DOCK3: variants seen among roughly 807,000 people sequenced by gnomAD.
DOCK3 encodes the protein dedicator of cytokinesis 3, also known as dedicator of cytokinesis protein 3.
In DOCK3, 60 loss-of-function variants were observed where a neutral mutation model predicts 265.6. The ratio of observed to expected loss-of-function variants is 0.23; its 90% CI spans 0.18 to 0.28. DOCK3 has a LOEUF of 0.28. Ranked by LOEUF, DOCK3 falls within the 10% of genes least tolerant of loss-of-function variation. The pLI, the probability that DOCK3 is intolerant of heterozygous loss-of-function variation, is 1.00. For missense variants in DOCK3, 1,981 were observed against 2,594.3 expected (o/e 0.76, Z 5.14); for synonymous variants, 881 against 938.0 (o/e 0.94, Z 1.11).
chr3:51,020,961 T>A (rs1382920122), intron 5 of DOCK3, among the ~76,000 whole-genome samples: 1 of 151,924 alleles, frequency 6.6e-6, no homozygotes, highest in Non-Finnish European at 1.5e-5. Flanking sequence ...AGCTCTTTTT[T>A]GGTTCCATAG....
Position 50,906,514 on chromosome 3 carries a change from T to G in DOCK3, c.218+16433T>G, listed in dbSNP as rs566697131. On this transcript the variant is annotated intron_variant, in intron 4 of 52. Coordinates refer to ENST00000266037, the MANE Select transcript of DOCK3 (RefSeq NM_004947.5). ...TGGGAGGGTGTGTGTGTCTAGGAATTTATCCATTTCTTCTAGATTTTCTAG... is the reference window on the plus strand; with the variant it reads ...TGGGAGGGTGTGTGTGTCTAGGAATGTATCCATTTCTTCTAGATTTTCTAG... Among the ~76,000 whole-genome samples the G allele has an allele frequency of 3.3e-5, 5 of 152,208 alleles. No homozygotes were observed. In the South Asian group the frequency reaches 1.0e-3, roughly 32 times the overall value.
chr3:50,889,925 C>A, intron 3 of DOCK3, 101 bp from the exon 4 acceptor site: 1 of 913,526 alleles, frequency 1.1e-6, no homozygotes, highest in Non-Finnish European at 1.5e-6. Flanking sequence ...AGCAGGAGAT[C>A]TACTATGTTT....
chr3:50,934,210 C>G, intron 5 of DOCK3, 133 bp downstream of exon 5: 1 of 653,754 alleles, frequency 1.5e-6, no homozygotes. Context: ...TTAATATTTA[C>G]TGAAACATAG....
chr3:50,691,309 T>A (rs2035227676), intron 1 of DOCK3, among the ~76,000 whole-genome samples: 2 of 151,154 alleles, frequency 1.3e-5, no homozygotes, highest in Non-Finnish European at 3.0e-5. Flanking sequence ...AAAGTAATCA[T>A]ACAATGTTTG....
chr3:50,735,656 A>C (rs1210989660), intron 1 of DOCK3, among the ~76,000 whole-genome samples: 1 of 152,066 alleles, frequency 6.6e-6, no homozygotes, highest in Non-Finnish European at 1.5e-5. Context: ...AGATTAGGGG[A>C]AATTTTCTGT....
intron 1 of DOCK3, among the ~76,000 whole-genome samples, chr3:50,680,171 A>C (rs965538368): frequency 2.6e-5 from 4 of 151,766 alleles, no homozygotes; most frequent in African/African-American, 9.7e-5. Context: ...AGTTATATTT[A>C]AGGAATTTTA....
chr3:51,094,532 A>G (rs1413664409), intron 9 of DOCK3, among the ~76,000 whole-genome samples: 1 of 151,618 alleles, frequency 6.6e-6, no homozygotes, highest in African/African-American at 2.4e-5. Context: ...ATCATTTTTT[A>G]TTGTGTCTAT....
chr3:51,280,292 A>T, intron 27 of DOCK3, 88 bp downstream of exon 27: 8 of 1,217,944 alleles, frequency 6.6e-6, no homozygotes, highest in Non-Finnish European at 9.3e-6. Context: ...GGATGAATGC[A>T]AGTGACTAGC....
chr3:51,112,143 T>C (rs1285952496), intron 9 of DOCK3, among the ~76,000 whole-genome samples: 2 of 152,112 alleles, frequency 1.3e-5, no homozygotes, highest in Non-Finnish European at 2.9e-5. Context: ...TTGTGGAAAG[T>C]AGTGTGGCAG....
intron 2 of DOCK3, among the ~76,000 whole-genome samples, chr3:50,834,440 G>T (rs2045382960): frequency 6.6e-6 from 1 of 151,966 alleles, no homozygotes; most frequent in Non-Finnish European, 1.5e-5. Flanking sequence ...CAGAATTATA[G>T]GAGTTTTTCA....
intron 32 of DOCK3, among the ~76,000 whole-genome samples, chr3:51,320,827 C>T (rs2083670721): frequency 6.6e-6 from 1 of 152,212 alleles, no homozygotes; most frequent in Non-Finnish European, 1.5e-5. Flanking sequence ...CAGCCCCAGT[C>T]AGGGGCTTAT....
At chr3:50,912,631 A>G (rs979881807) in intron 4 of DOCK3, among the ~76,000 whole-genome samples, 9 of 152,078 alleles carry the variant, frequency 5.9e-5, no homozygotes, top group Non-Finnish European at 1.5e-5. Flanking sequence ...TGTGCTATGT[A>G]GTTGAGCTGT....
chr3:50,942,922 A>G (rs960147734), intron 5 of DOCK3, among the ~76,000 whole-genome samples: 1 of 152,006 alleles, frequency 6.6e-6, no homozygotes, highest in African/African-American at 2.4e-5. Context: ...GACTTAGTAC[A>G]AGGAAATGAG....
At chr3:51,046,111 G>GA (rs1234799414) in intron 5 of DOCK3, among the ~76,000 whole-genome samples, 1 of 151,978 alleles carries the variant, frequency 6.6e-6, no homozygotes, top group Admixed American at 6.6e-5. Flanking sequence ...AAAAGATATA[G>GA]AAAAAAGAAT....
intron 4 of DOCK3, among the ~76,000 whole-genome samples, chr3:50,907,687 T>G (rs1414698811): frequency 3.3e-5 from 5 of 152,138 alleles, no homozygotes; most frequent in Non-Finnish European, 7.3e-5. Flanking sequence ...AGCACACTGA[T>G]GGGTCTTGAC....
chr3:51,024,158 A>G (rs977441252), intron 5 of DOCK3, among the ~76,000 whole-genome samples: 3 of 152,124 alleles, frequency 2.0e-5, no homozygotes, highest in African/African-American at 7.2e-5. Flanking sequence ...CCTTTGTTAT[A>G]GAAAGTCTTT....
At chr3:51,312,144 A>G (rs2083100908) in intron 29 of DOCK3, 65 bp downstream of exon 29, 2 of 1,415,810 alleles carry the variant, frequency 1.4e-6, no homozygotes, top group Non-Finnish European at 1.9e-6. Flanking sequence ...AACCAAGCTC[A>G]CTTGTTTTTT....
At chr3:50,984,025 C>T (rs990322772) in intron 5 of DOCK3, among the ~76,000 whole-genome samples, 9 of 152,200 alleles carry the variant, frequency 5.9e-5, no homozygotes, top group Admixed American at 3.9e-4. Context: ...GGCAGCCTGC[C>T]GTGCTGCAGC....
chr3:51,086,321 A>T (rs897236319), intron 7 of DOCK3, among the ~76,000 whole-genome samples: 4 of 152,214 alleles, frequency 2.6e-5, no homozygotes, highest in Non-Finnish European at 5.9e-5. Flanking sequence ...CCTTGCCCTC[A>T]TTCTAGTAAA....
Sources: gnomAD v4.1 joint callset for allele counts (sites outside exome capture counted in the v4.1 genomes callset) on GRCh38, gnomAD v4.1.1 for gene constraint, MANE v1.5 for transcripts, NCBI Gene and HGNC (gene_info 2026-07-23, HGNC 2026-07-21) for gene names.